ERC2: variants seen among roughly 807,000 people sequenced by gnomAD.
ERC2 encodes ERC protein 2.
In ERC2, 42 loss-of-function variants were observed where a neutral mutation model predicts 114.8. That is an observed-to-expected ratio of 0.37 (90% CI 0.29 to 0.47). The LOEUF (loss-of-function observed/expected upper bound fraction) is 0.47, where lower values mean the gene tolerates loss of function less well. ERC2 is among the 20% of genes least tolerant of loss of function. The pLI is 0.99. For synonymous variants in ERC2, 454 were observed against 425.5 expected, an observed-to-expected ratio of 1.07 and a Z score of -0.82; for missense variants, 939 against 1,150.7, an observed-to-expected ratio of 0.82 and a Z score of 2.66.
At chr3:55,551,349 C>T (rs1369425586) in intron 17 of ERC2, among the ~76,000 whole-genome samples, 1 of 151,710 alleles carries the variant, frequency 6.6e-6, no homozygotes, top group Non-Finnish European at 1.5e-5. Flanking sequence ...ATGGTGAAAC[C>T]GCGTCTCTAC....
At chr3:56,387,561 G>T (rs2059978219) in intron 2 of ERC2, among the ~76,000 whole-genome samples, 1 of 152,162 alleles carries the variant, frequency 6.6e-6, no homozygotes. Flanking sequence ...GCAGATGCAG[G>T]ACAATATTCG....
rs933211885 is a variant in ERC2, at chr3:56,317,105, C to T, written c.658-20670G>A. ...AACAAATGAGGAGACGCAATCACAA[C>T]AGAAAAGGATGGGAGCAAAAGGGAA... On this transcript the variant is annotated intron_variant, in intron 2 of 17. Coordinates refer to ENST00000288221, the MANE Select transcript of ERC2 (RefSeq NM_015576.3). Among the ~76,000 whole-genome samples the T allele has an allele frequency of 9.9e-5, 15 of 152,116 alleles. 1 individual carries two copies. Among genetic ancestry groups the T allele is most frequent in the Admixed American group, 9.8e-4 (15 of 15,278 alleles).
In ERC2 at chr3:56,139,643, C is replaced by A; in HGVS notation, c.1339G>T (p.Glu447Ter). 1.2e-6 allele frequency: 2 copies of A among 1,609,168 alleles called. No homozygotes were observed. Among genetic ancestry groups the A allele is most frequent in the Non-Finnish European group, 1.7e-6 (2 of 1,177,542 alleles). Residue 447 changes from glutamate to a stop codon, truncating the protein, a stop_gained, in exon 6 of 18, where the codon GAG becomes TAG. Transcript: ENST00000288221. LOFTEE classifies it high-confidence loss of function. ...GTTTGTAAGGCAAGAAGTTCCGACT[C>A]TTTCTTTGAAAGTTCCTGCTTCAGC... ...DQLKQELSKK[E>*]SELLALQTKL... is the part of the protein sequence containing the mutation.
intron 17 of ERC2, among the ~76,000 whole-genome samples, chr3:55,619,499 C>G (rs1009049807): frequency 6.6e-6 from 1 of 152,164 alleles, no homozygotes; most frequent in Admixed American, 6.5e-5. Flanking sequence ...CCTATTTCTT[C>G]CACATCGTAA....
intron 3 of ERC2, among the ~76,000 whole-genome samples, chr3:56,184,170 T>C (rs149536194): frequency 5.9e-5 from 9 of 152,256 alleles, no homozygotes; most frequent in African/African-American, 1.4e-4. Context: ...CTTGGTCCTT[T>C]AGATGTTATG....
intron 17 of ERC2, among the ~76,000 whole-genome samples, chr3:55,623,371 T>C (rs1030802988): frequency 2.0e-5 from 3 of 152,232 alleles, no homozygotes; most frequent in African/African-American, 7.2e-5. Context: ...TAAAGACCCC[T>C]ACTTTGTCAT....
intron 3 of ERC2, among the ~76,000 whole-genome samples, chr3:56,175,384 C>A (rs2082921777): frequency 6.6e-6 from 1 of 152,160 alleles, no homozygotes; most frequent in Non-Finnish European, 1.5e-5. Context: ...ATGAAGTCAA[C>A]CATTACCAAA....
intron 7 of ERC2, among the ~76,000 whole-genome samples, chr3:56,079,353 TACC>T (rs2077121177): frequency 6.6e-6 from 1 of 152,182 alleles, no homozygotes; most frequent in Admixed American, 6.5e-5. Flanking sequence ...GGCTCGTGAC[TACC>T]ACAATGGGCA....
At chr3:56,290,564 C>T (rs1178356283) in intron 3 of ERC2, among the ~76,000 whole-genome samples, 1 of 152,104 alleles carries the variant, frequency 6.6e-6, no homozygotes, top group African/African-American at 2.4e-5. Context: ...ATTAGAAATG[C>T]CTGCATCAGC....
intron 14 of ERC2, among the ~76,000 whole-genome samples, chr3:55,756,980 T>A (rs2067102520): frequency 6.6e-6 from 1 of 152,232 alleles, no homozygotes; most frequent in South Asian, 2.1e-4. Context: ...TTTCAAATTT[T>A]AGCTTAAACC....
chr3:56,111,154 G>T (rs1033114310), intron 6 of ERC2, among the ~76,000 whole-genome samples: 1 of 152,038 alleles, frequency 6.6e-6, no homozygotes, highest in African/African-American at 2.4e-5. Context: ...TGTGTTCTAT[G>T]AACTCAAATC....
At chr3:55,758,855 A>T (rs987263814) in intron 14 of ERC2, among the ~76,000 whole-genome samples, 2 of 152,190 alleles carry the variant, frequency 1.3e-5, no homozygotes, top group African/African-American at 4.8e-5. Flanking sequence ...CTTCAGTAAG[A>T]TCTCTACCAA....
intron 17 of ERC2, among the ~76,000 whole-genome samples, chr3:55,660,147 T>C (rs2061060529): frequency 6.6e-6 from 1 of 152,200 alleles, no homozygotes; most frequent in Non-Finnish European, 1.5e-5. Context: ...TGAATGTTCA[T>C]ACTCAGACTT....
intron 17 of ERC2, among the ~76,000 whole-genome samples, chr3:55,543,954 C>T (rs114687175): frequency 5.9e-5 from 9 of 152,282 alleles, no homozygotes; most frequent in East Asian, 1.9e-4. Context: ...CTATTTCATC[C>T]GTTCAGGGAG....
intron 17 of ERC2, among the ~76,000 whole-genome samples, chr3:55,574,623 T>C (rs2056882301): frequency 6.6e-6 from 1 of 152,166 alleles, no homozygotes; most frequent in South Asian, 2.1e-4. Context: ...CTCAGTATTC[T>C]GCATGTGTGC....
intron 14 of ERC2, among the ~76,000 whole-genome samples, chr3:55,752,648 C>T (rs1329005117): frequency 6.6e-6 from 1 of 152,134 alleles, no homozygotes; most frequent in Non-Finnish European, 1.5e-5. Context: ...GCACAACAAT[C>T]TAATGAGGAA....
At chr3:56,031,851 C>G (rs1246447068) in intron 7 of ERC2, among the ~76,000 whole-genome samples, 2 of 152,272 alleles carry the variant, frequency 1.3e-5, no homozygotes, top group South Asian at 4.1e-4. Flanking sequence ...AAAAATTCCA[C>G]TGGGATTTTT....
intron 14 of ERC2, among the ~76,000 whole-genome samples, chr3:55,871,449 A>G (rs2062579931): frequency 6.6e-6 from 1 of 152,212 alleles, no homozygotes; most frequent in Non-Finnish European, 1.5e-5. Flanking sequence ...GCTTAATCTC[A>G]GTTTCATTCT....
At chr3:56,011,140 A>G (rs1397162399) in intron 8 of ERC2, among the ~76,000 whole-genome samples, 1 of 152,234 alleles carries the variant, frequency 6.6e-6, no homozygotes, top group African/African-American at 2.4e-5. Flanking sequence ...GAATCAGTCC[A>G]TTGTGTATGT....
Sources: allele counts gnomAD v4.1 joint callset (sites outside exome capture counted in the v4.1 genomes callset), GRCh38; gene constraint gnomAD v4.1.1; transcripts MANE v1.5; gene names NCBI Gene and HGNC (gene_info 2026-07-23, HGNC 2026-07-21).